The following UGT1A8 variants were observed in gnomAD, a reference collection of about 807,000 sequenced individuals.
UGT1A8 encodes the protein UDP-glucuronosyltransferase 1A8.
A neutral mutation model predicts 45.3 loss-of-function variants in UGT1A8; 39 were observed. The ratio of observed to expected loss-of-function variants is 0.86; its 90% CI spans 0.67 to 1.12. The LOEUF (loss-of-function observed/expected upper bound fraction) is 1.12, where lower values mean the gene tolerates loss of function less well. Among genes scored for constraint, UGT1A8 ranks in the 50% most tolerant of loss-of-function variants. The pLI is 0.00. For synonymous variants in UGT1A8, 275 were observed against 249.2 expected, an observed-to-expected ratio of 1.10 and a Z score of -0.97; for missense variants, 719 against 664.9, an observed-to-expected ratio of 1.08 and a Z score of -0.90.
chr2:233,618,063 T>C lies in UGT1A8; in HGVS notation c.356T>C (p.Leu119Ser), dbSNP rs776641742. Residue 119 changes from leucine (L) to serine (S), a missense_variant, in exon 1 of 5, where the codon TTA becomes TCA. Coordinates refer to ENST00000373450, the MANE Select transcript of UGT1A8 (RefSeq NM_019076.5). The part of the protein sequence containing the change: ...FLSSSNGFFN[L>S]FFSHCRSLFN... Reference sequence around the variant, plus strand: ...AGTTCATCCAATGGTTTTTTTAACTTATTTTTTTCGCATTGCAGGAGTTTG... The same window carrying C: ...AGTTCATCCAATGGTTTTTTTAACTCATTTTTTTCGCATTGCAGGAGTTTG... The C allele has an allele frequency of 8.1e-6, 13 of 1,613,996 alleles. No homozygotes were observed. Among genetic ancestry groups the C allele is most frequent in the East Asian group, 2.2e-5 (1 of 44,882 alleles).
intron 1 of UGT1A8, among the ~76,000 whole-genome samples, chr2:233,649,226 G>T (rs188319234): frequency 3.3e-5 from 5 of 152,250 alleles, no homozygotes; most frequent in African/African-American, 1.2e-4. Flanking sequence ...ATGTGTATAC[G>T]ATTGGTTAAT....
intron 1 of UGT1A8, among the ~76,000 whole-genome samples, chr2:233,696,207 T>C (rs1053095318): frequency 6.6e-6 from 1 of 152,240 alleles, no homozygotes; most frequent in Non-Finnish European, 1.5e-5. Context: ...ATGTTTATTA[T>C]AGCACTATTC....
At chr2:233,712,570 G>T (rs2125629003) in intron 1 of UGT1A8, among the ~76,000 whole-genome samples, 1 of 152,240 alleles carries the variant, frequency 6.6e-6, no homozygotes, top group South Asian at 2.1e-4. Flanking sequence ...TAGCAAATAG[G>T]GTCACATCCA....
intron 4 of UGT1A8, 140 bp from the exon 5 acceptor site, chr2:233,772,122 C>T (rs749512514): frequency 2.9e-5 from 45 of 1,536,534 alleles, no homozygotes; most frequent in Non-Finnish European, 3.9e-5. Flanking sequence ...CTAAAAACAA[C>T]AACAACAACA....
chr2:233,647,165 C>T (rs1575399063), intron 1 of UGT1A8, among the ~76,000 whole-genome samples: 2 of 152,236 alleles, frequency 1.3e-5, no homozygotes, highest in African/African-American at 4.8e-5. Flanking sequence ...CGGGAAACGC[C>T]CAGCCCCATG....
At position 233,766,963 on chromosome 2, in the gene UGT1A8, C is replaced by T. The variant is rs1348072770; in HGVS notation, c.856-71C>T. On this transcript the variant is annotated intron_variant, in intron 1 of 4. Transcript: ENST00000373450. ...AGTCTTAAGAGGAAGATATCTAATT[C>T]ATAACTTACTGTATGTAGTCATCAA... is the stretch of plus-strand genomic sequence containing the variant. 3.4e-5 allele frequency: 54 copies of T among 1,607,648 alleles called. No individual in the cohort carries two copies. In the South Asian group the frequency reaches 3.5e-4, roughly 10 times the overall value.
chr2:233,717,547 C>T (rs888437914), intron 1 of UGT1A8, among the ~76,000 whole-genome samples: 1 of 152,196 alleles, frequency 6.6e-6, no homozygotes, highest in African/African-American at 2.4e-5. Flanking sequence ...TCAGCCTCAC[C>T]AGCAATGGCA....
intron 1 of UGT1A8, chr2:233,756,051 T>C (rs1176679443): frequency 6.6e-6 from 1 of 152,238 alleles, no homozygotes; most frequent in Non-Finnish European, 1.5e-5. Context: ...AAAACTCCAC[T>C]GTACACTTGT....
intron 1 of UGT1A8, among the ~76,000 whole-genome samples, chr2:233,640,738 T>C (rs2073429158): frequency 1.3e-5 from 2 of 152,150 alleles, no homozygotes; most frequent in African/African-American, 2.4e-5. Context: ...TGTAACCTCC[T>C]GATAGGCCAA....
At chr2:233,682,715 G>T (rs753533001) in intron 1 of UGT1A8, 9 of 1,613,822 alleles carry the variant, frequency 5.6e-6, no homozygotes, top group Non-Finnish European at 7.6e-6. Context: ...CTTTGTTTTG[G>T]AGTATCCCAA....
intron 1 of UGT1A8, among the ~76,000 whole-genome samples, chr2:233,698,666 C>G (rs112614617): frequency 3.3e-5 from 5 of 152,142 alleles, no homozygotes; most frequent in Admixed American, 3.3e-4. Context: ...TAACTATTGG[C>G]CCAACTATAA....
At position 233,743,889 on chromosome 2, in the gene UGT1A8, C is replaced by G. The variant is rs772404116; in HGVS notation, c.856-23145C>G. 4.4e-6 allele frequency: 6 copies of G among 1,366,986 alleles called. No individual in the cohort carries two copies. In the Admixed American group the frequency reaches 9.5e-5, roughly 22 times the overall value. The allele number at this position is 1,366,986 out of a possible 1,614,324, so 84.7% of individuals were successfully genotyped here. A position where few individuals can be genotyped will look rare whatever the true frequency, so the allele number is the denominator to read the frequency against. ...GCCTCGGATGAGGCCTGCCGGGGCA[C>G]GTCCAGCACCTCGTAGTAGTCCACC... On this transcript the variant is annotated intron_variant, in intron 1 of 4. Coordinates refer to ENST00000373450, the MANE Select transcript of UGT1A8 (RefSeq NM_019076.5).
chr2:233,660,019 T>A (rs1290420852), intron 1 of UGT1A8, among the ~76,000 whole-genome samples: 1 of 152,222 alleles, frequency 6.6e-6, no homozygotes, highest in Non-Finnish European at 1.5e-5. Context: ...TCAAACTCTT[T>A]ATGCCCACCT....
At chr2:233,759,469 A>G (rs1187872464) in intron 1 of UGT1A8, among the ~76,000 whole-genome samples, 5 of 152,280 alleles carry the variant, frequency 3.3e-5, no homozygotes, top group Admixed American at 2.6e-4. Flanking sequence ...CTCAAGATCT[A>G]TCTTACAGGA....
chr2:233,680,729 G>A (rs928524208), intron 1 of UGT1A8, among the ~76,000 whole-genome samples: 3 of 152,104 alleles, frequency 2.0e-5, no homozygotes, highest in African/African-American at 4.8e-5. Context: ...AGGGGTGCTC[G>A]GTAGAATGGA....
chr2:233,648,798 C>T, intron 1 of UGT1A8: 3 of 925,758 alleles, frequency 3.2e-6, no homozygotes, highest in Non-Finnish European at 4.9e-6. Flanking sequence ...GAGTAAGGAA[C>T]CACATCTTCT....
At chr2:233,732,983 C>T (rs930118681) in intron 1 of UGT1A8, among the ~76,000 whole-genome samples, 9 of 152,090 alleles carry the variant, frequency 5.9e-5, no homozygotes, top group South Asian at 2.1e-4. Flanking sequence ...TCTTTTATTT[C>T]GTTGAGCAGT....
intron 1 of UGT1A8, among the ~76,000 whole-genome samples, chr2:233,627,067 T>C (rs148760214): frequency 4.1e-4 from 62 of 152,202 alleles, no homozygotes; most frequent in African/African-American, 1.4e-3. Context: ...GAGTGTAAAC[T>C]TGACTGCATT....
intron 1 of UGT1A8, among the ~76,000 whole-genome samples, chr2:233,716,593 A>G (rs17874943): frequency 0.1 from 15,436 of 152,206 alleles, 900 homozygotes; most frequent in East Asian, 0.2. Flanking sequence ...AAGAGCAAAA[A>G]TTTTAGAATT....
Sources: gnomAD v4.1 joint callset for allele counts (sites outside exome capture counted in the v4.1 genomes callset) on GRCh38, gnomAD v4.1.1 for gene constraint, MANE v1.5 for transcripts, NCBI Gene and HGNC (gene_info 2026-07-23, HGNC 2026-07-21) for gene names.